The following ABHD2 variants were observed in gnomAD, a reference collection of about 807,000 sequenced individuals.
ABHD2 encodes the protein monoacylglycerol lipase ABHD2.
In ABHD2, 20 loss-of-function variants were observed where a neutral mutation model predicts 48.1. The ratio of observed to expected loss-of-function variants is 0.42; its 90% CI spans 0.29 to 0.60. The LOEUF (loss-of-function observed/expected upper bound fraction) is 0.60, where lower values mean the gene tolerates loss of function less well. Ranked by LOEUF, ABHD2 falls within the 20% of genes least tolerant of loss-of-function variation. ABHD2 has a pLI of 0.24. For missense variants in ABHD2, 405 were observed against 550.9 expected (o/e 0.74, Z 2.65); for synonymous variants, 209 against 214.2 (o/e 0.98, Z 0.21).
At chr15:89,107,016 C>T (rs1159315494) in intron 1 of ABHD2, among the ~76,000 whole-genome samples, 2 of 152,228 alleles carry the variant, frequency 1.3e-5, no homozygotes, top group Admixed American at 1.3e-4. Flanking sequence ...TCACAGGGTA[C>T]TTTGGGGGAC....
chr15:89,143,123 T>C (rs1033447554), intron 3 of ABHD2, among the ~76,000 whole-genome samples: 2 of 152,218 alleles, frequency 1.3e-5, no homozygotes, highest in East Asian at 3.8e-4. Flanking sequence ...ATTATGACCA[T>C]AGCTTCTGCT....
At chr15:89,083,148 C>T (rs989056598), upstream of ABHD2, among the ~76,000 whole-genome samples, 11 of 152,134 alleles carry the variant, frequency 7.2e-5, no homozygotes, top group African/African-American at 2.4e-4. This position sits in a 1 kb window ranked among gnomAD's most constrained non-coding sequence, Gnocchi z 5.1. Context: ...AGCCACTGTG[C>T]CCGGCCTGTT....
chr15:89,051,314 A>G, the ABHD2 span, among the ~76,000 whole-genome samples: 2 of 152,146 alleles, frequency 1.3e-5, no homozygotes, highest in Non-Finnish European at 2.9e-5. Context: ...TATATACCTC[A>G]TACTCTTCCT....
At chr15:89,140,581 C>G (rs928317825) in intron 3 of ABHD2, among the ~76,000 whole-genome samples, 1 of 151,740 alleles carries the variant, frequency 6.6e-6, no homozygotes, top group African/African-American at 2.4e-5. Context: ...AGAGAGAGAC[C>G]CCCACACACA....
intron 3 of ABHD2, among the ~76,000 whole-genome samples, chr15:89,133,182 T>A (rs1025803): frequency 0.39 from 59,096 of 152,076 alleles, 12,029 homozygotes; most frequent in Non-Finnish European, 0.46. Flanking sequence ...TTCCATCTTT[T>A]CTTTGTGAAA....
At chr15:89,084,388 C>T (rs951496784), upstream of ABHD2, among the ~76,000 whole-genome samples, 1 of 152,172 alleles carries the variant, frequency 6.6e-6, no homozygotes, top group African/African-American at 2.4e-5. The surrounding 1 kb of genome is among the most constrained non-coding windows in gnomAD (Gnocchi z 4.4). Context: ...CATCCGCCGC[C>T]TCCTAGGTTC....
the ABHD2 span, among the ~76,000 whole-genome samples, chr15:89,050,440 G>A: frequency 6.6e-6 from 1 of 152,150 alleles, no homozygotes; most frequent in Non-Finnish European, 1.5e-5. Context: ...GAGGAGCAGG[G>A]AACACATCTT....
chr15:89,128,453 G>A (rs1388021014), intron 3 of ABHD2, among the ~76,000 whole-genome samples: 2 of 152,196 alleles, frequency 1.3e-5, no homozygotes. Flanking sequence ...AGGCCTTGCT[G>A]CCATTGACAC....
At chr15:89,135,997 G>A (rs1292346631) in intron 3 of ABHD2, 22 of 284,838 alleles carry the variant, frequency 7.7e-5, no homozygotes, top group Non-Finnish European at 1.2e-4. Flanking sequence ...CGCAATCTCA[G>A]CTCACTGCAA....
chr15:89,185,556 C>A lies in ABHD2; in HGVS notation c.815+40C>A. Reference sequence around the variant, plus strand: ...GTTCTCTCTCAGGAGACAGACAGTTCCTTCCTGAGCTCATCTGGGAACCGT... The same window carrying A: ...GTTCTCTCTCAGGAGACAGACAGTTACTTCCTGAGCTCATCTGGGAACCGT... On this transcript the variant is annotated intron_variant, in intron 7 of 10. Coordinates refer to ENST00000352732, the MANE Select transcript of ABHD2 (RefSeq NM_152924.5). The surrounding 1 kb of genome is among the most constrained non-coding windows in gnomAD (Gnocchi z 5.9). 6.4e-7 allele frequency: 1 copy of A among 1,559,600 alleles called. No individual in the cohort carries two copies. The highest frequency in any genetic ancestry group is 1.1e-5 in the South Asian group (1 of 89,790).
At chr15:89,055,125 G>C in the ABHD2 span, among the ~76,000 whole-genome samples, 2 of 152,070 alleles carry the variant, frequency 1.3e-5, no homozygotes, top group African/African-American at 4.8e-5. Context: ...TTGAGCCCAG[G>C]AGTTCAAGAC....
At chr15:89,143,448 A>T (rs1354584884) in intron 3 of ABHD2, among the ~76,000 whole-genome samples, 1 of 152,188 alleles carries the variant, frequency 6.6e-6, no homozygotes, top group East Asian at 1.9e-4. Context: ...CGGGTGGATC[A>T]CCTGAGGTCG....
Position 89,116,237 on chromosome 15 carries a change from T to G in ABHD2, c.-6-85T>G. 1.5e-6 allele frequency: 2 copies of G among 1,312,716 alleles called. No homozygotes were observed. Among genetic ancestry groups the G allele is most frequent in the Admixed American group, 2.1e-5 (1 of 46,620 alleles). The allele number at this position is 1,312,716 out of a possible 1,614,324, so 81.3% of individuals were successfully genotyped here. On this transcript the variant is annotated intron_variant, in intron 2 of 10. Transcript: ENST00000352732. This position sits in a 1 kb window ranked among gnomAD's most constrained non-coding sequence, Gnocchi z 4.6. ...GACACACCGTCACTGGCAGTATCTC[T>G]TAGCCCACCATGCGTCTGTAGGGTG...
upstream of ABHD2, among the ~76,000 whole-genome samples, chr15:89,083,626 C>T (rs1456328553): frequency 6.6e-6 from 1 of 152,130 alleles, no homozygotes; most frequent in Non-Finnish European, 1.5e-5. This position sits in a 1 kb window ranked among gnomAD's most constrained non-coding sequence, Gnocchi z 5.1. Flanking sequence ...AGGGAGGGCA[C>T]TATTAAAATT....
chr15:89,080,755 C>T, the ABHD2 span, among the ~76,000 whole-genome samples: 8 of 151,358 alleles, frequency 5.3e-5, no homozygotes, highest in South Asian at 1.7e-3. Context: ...AGTGCAGTGG[C>T]CCAATCTCAA....
intron 3 of ABHD2, among the ~76,000 whole-genome samples, chr15:89,131,190 C>T (rs1192577793): frequency 6.6e-6 from 1 of 152,172 alleles, no homozygotes; most frequent in South Asian, 2.1e-4. Flanking sequence ...GTCTGTAGGG[C>T]GAGGTCCAGC....
Position 89,188,376 on chromosome 15 carries a change from C to T in ABHD2, c.926+73C>T. On this transcript the variant is annotated intron_variant, in intron 8 of 10. Coordinates refer to ENST00000352732, the MANE Select transcript of ABHD2 (RefSeq NM_152924.5). This position sits in a 1 kb window ranked among gnomAD's most constrained non-coding sequence, Gnocchi z 4.1. ...GCAGGAGGCTGCAGGTCAGCTGTGC[C>T]CAGCACTAGTGTTTGCTCTGCCTAC... 3 of 1,350,442 alleles carry T rather than the reference C, an allele frequency of 2.2e-6. No individual in the cohort carries two copies. The highest frequency in any genetic ancestry group is 3.2e-6 in the Non-Finnish European group (3 of 948,630). The allele number at this position is 1,350,442 out of a possible 1,614,324, so 83.7% of individuals were successfully genotyped here. A position where few individuals can be genotyped will look rare whatever the true frequency, so the allele number is the denominator to read the frequency against.
chr15:89,158,158 A>T (rs1302842980), intron 5 of ABHD2, among the ~76,000 whole-genome samples: 2 of 152,150 alleles, frequency 1.3e-5, no homozygotes, highest in Non-Finnish European at 1.5e-5. Flanking sequence ...CACAGTACTG[A>T]TGTCACATGT....
Position 89,097,230 on chromosome 15 carries a change from A to T in ABHD2, c.-107+8667A>T. Among the ~76,000 whole-genome samples, 1 of 152,034 alleles carries T rather than the reference A, an allele frequency of 6.6e-6. No homozygotes were observed. The highest frequency in any genetic ancestry group is 1.5e-5 in the Non-Finnish European group (1 of 67,994). ...AATCAACTCATAACCACTCACATTTACTCTGTCTTCCTAGCTACTTCTCCC... is the reference window on the plus strand; with the variant it reads ...AATCAACTCATAACCACTCACATTTTCTCTGTCTTCCTAGCTACTTCTCCC... On this transcript the variant is annotated intron_variant, in intron 1 of 10. Transcript: ENST00000352732. The surrounding 1 kb of genome is among the most constrained non-coding windows in gnomAD (Gnocchi z 4.2).
Sources: allele counts gnomAD v4.1 joint callset (sites outside exome capture counted in the v4.1 genomes callset), GRCh38; gene constraint gnomAD v4.1.1; non-coding constraint Gnocchi (gnomAD v3.1); transcripts MANE v1.5; gene names NCBI Gene and HGNC (gene_info 2026-07-23, HGNC 2026-07-21).